Variants in PAM16 observed in about 807,000 individuals in gnomAD.
PAM16 encodes mitochondrial import inner membrane translocase subunit TIM16.
PAM16 carries 11 observed loss-of-function variants against 17.9 expected under a neutral mutation model. The observed-to-expected ratio is 0.62, with a 90% CI of 0.39 to 1.02. PAM16 has a LOEUF of 1.02. Among genes scored for constraint, PAM16 ranks in the 50% least tolerant of loss-of-function variants. The probability of loss-of-function intolerance (pLI) is 0.01; values close to 1 mark genes in which losing one functional copy is unlikely to be tolerated. For missense variants in PAM16, 199 were observed against 165.4 expected (o/e 1.20, Z -1.11); for synonymous variants, 72 against 67.4 (o/e 1.07, Z -0.34).
At chr16:4,345,696 C>T (rs1026344166) in intron 1 of PAM16, 1 of 198,810 alleles carries the variant, frequency 5.0e-6, no homozygotes, top group African/African-American at 2.4e-5. Flanking sequence ...CAGAGAAGAC[C>T]CTCCTGTGAT....
At chr16:4,347,740 C>T (rs1003697366) in intron 1 of PAM16, 5 of 152,244 alleles carry the variant, frequency 3.3e-5, no homozygotes, top group Admixed American at 6.5e-5. Flanking sequence ...CTCCAAACAT[C>T]CCATAGTCCA....
At chr16:4,342,225 G>C (rs2053659363) in intron 2 of PAM16, among the ~76,000 whole-genome samples, 1 of 152,260 alleles carries the variant, frequency 6.6e-6, no homozygotes, top group African/African-American at 2.4e-5. Flanking sequence ...GGGTGTGGTG[G>C]CACATGCCTG....
chr16:4,343,483 T>C, intron 1 of PAM16, 192 bp from the exon 2 acceptor site: 1 of 1,429,094 alleles, frequency 7.0e-7, no homozygotes, highest in Non-Finnish European at 9.1e-7. Flanking sequence ...AGTTACTCAC[T>C]GGACAGGCAG....
intron 1 of PAM16, among the ~76,000 whole-genome samples, chr16:4,350,359 T>A (rs1318160464): frequency 6.7e-6 from 1 of 149,540 alleles, no homozygotes. Flanking sequence ...TATAACATAA[T>A]AATATGTAGT....
Position 4,343,372 on chromosome 16 carries a change from G to A in PAM16, c.4-81C>T, listed in dbSNP as rs1404078673. 4 of 1,529,390 alleles carry A rather than the reference G, an allele frequency of 2.6e-6. No individual in the cohort carries two copies. In the African/African-American group the frequency reaches 4.2e-5, roughly 16 times the overall value. 94.7% of individuals were successfully genotyped at this position (1,529,390 alleles called of 1,614,324 possible). On this transcript the variant is annotated intron_variant, in intron 1 of 4. Transcript: ENST00000318059. The stretch of plus-strand genomic sequence containing the variant: ...TGGGCCCTGGAAACGGCTGCCGAGG[G>A]GCAAGGCTCCCGGAGACCCGAGGTC...
chr16:4,340,719 G>A (rs1290674709), intron 4 of PAM16, among the ~76,000 whole-genome samples: 1 of 152,178 alleles, frequency 6.6e-6, no homozygotes, highest in Non-Finnish European at 1.5e-5. Context: ...AGCCTGAGTG[G>A]CTGGACCCCG....
At chr16:4,347,816 G>A (rs955478863) in intron 1 of PAM16, 1 of 152,208 alleles carries the variant, frequency 6.6e-6, no homozygotes, top group African/African-American at 2.4e-5. Flanking sequence ...TCCAACTTCA[G>A]GCCACGCGGC....
chr16:4,341,534 C>T, intron 2 of PAM16, 30 bp from the exon 3 acceptor site: 1 of 1,584,338 alleles, frequency 6.3e-7, no homozygotes, highest in Non-Finnish European at 8.6e-7. Flanking sequence ...ATCGCTCAGT[C>T]CTCAGCAGCC....
At chr16:4,340,519 T>A in intron 4 of PAM16, 114 bp from the exon 5 acceptor site, 3 of 1,155,302 alleles carry the variant, frequency 2.6e-6, no homozygotes, top group Non-Finnish European at 3.7e-6. Context: ...GGGCAGTGGG[T>A]GGATACCAAT....
intron 2 of PAM16, among the ~76,000 whole-genome samples, chr16:4,342,502 A>C (rs1185529773): frequency 1.3e-5 from 2 of 150,620 alleles, no homozygotes; most frequent in African/African-American, 4.9e-5. Flanking sequence ...TAAAAATACA[A>C]AATTAGCCGG....
chr16:4,342,642 G>A (rs867607438), intron 2 of PAM16, among the ~76,000 whole-genome samples: 1 of 150,640 alleles, frequency 6.6e-6, no homozygotes, highest in African/African-American at 2.4e-5. Context: ...CAACAAGAGC[G>A]AAAACTCCGT....
At chr16:4,349,622 C>T (rs1184201193) in intron 1 of PAM16, among the ~76,000 whole-genome samples, 2 of 152,046 alleles carry the variant, frequency 1.3e-5, no homozygotes. Context: ...TAAAAATTAG[C>T]CAGGTGTGCT....
At chr16:4,343,952 G>A (rs991083834) in intron 1 of PAM16, 1 of 398,272 alleles carries the variant, frequency 2.5e-6, no homozygotes, top group Non-Finnish European at 4.4e-6. Flanking sequence ...AACATCTGCT[G>A]AGAGTCTACT....
chr16:4,345,497 G>A (rs1352397292), intron 1 of PAM16: 1 of 152,194 alleles, frequency 6.6e-6, no homozygotes, highest in Non-Finnish European at 1.5e-5. Context: ...CCCGAGGCCA[G>A]AGGGGCTTGC....
Position 4,342,693 on chromosome 16 carries a change from G to A in PAM16, c.88+514C>T, listed in dbSNP as rs1407920869. On this transcript the variant is annotated intron_variant, in intron 2 of 4. Transcript: ENST00000318059. ...TTTATTTACAAAACCAGGGCCGGGC[G>A]CTGTGGCTCACACCTGTAATCCCAG... 2.0e-4 allele frequency among the ~76,000 whole-genome samples: 31 copies of A among 151,718 alleles called. 1 individual carries two copies. The highest frequency in any genetic ancestry group is 2.0e-3 in the Admixed American group (30 of 15,240).
At chr16:4,345,216 G>C (rs1281885300) in intron 1 of PAM16, 1 of 152,124 alleles carries the variant, frequency 6.6e-6, no homozygotes, top group Non-Finnish European at 1.5e-5. Flanking sequence ...TTTCTTCCTA[G>C]TGCTTTTCTG....
At position 4,340,323 on chromosome 16, in the gene PAM16, G is replaced by A. The variant is rs148571756; in HGVS notation, c.374C>T (p.Thr125Met). 1.9e-4 allele frequency: 304 copies of A among 1,612,472 alleles called. 1 individual carries two copies. Among genetic ancestry groups the A allele is most frequent in the Admixed American group, 6.2e-4 (37 of 60,012 alleles). The change falls in exon 5 of 5, where the codon ACG becomes ATG. Residue 125 changes from threonine (T) to methionine (M), a missense_variant. Physicochemically the swap from Thr to Met is moderately conservative, Grantham distance 81. Transcript: ENST00000318059. ...EDREKGQMPHT is the reference protein window; with the variant it reads ...EDREKGQMPHM ...TGGGCGGGGGGAGCCGAGCAGTCAC[G>A]TATGGGGCATCTGCCCTTTTTCTCT...
chr16:4,340,452 A>G (rs749185559), intron 4 of PAM16, 47 bp from the exon 5 acceptor site: 9 of 1,593,132 alleles, frequency 5.6e-6, no homozygotes, highest in Non-Finnish European at 7.7e-6. Context: ...CCTCCGCCCC[A>G]TACCCCTTGC....
chr16:4,343,147 G>T, intron 2 of PAM16, 60 bp downstream of exon 2: 1 of 1,609,546 alleles, frequency 6.2e-7, no homozygotes, highest in African/African-American at 1.3e-5. Context: ...CCATGGCTAC[G>T]GGGAAAATCT....
Sources: allele counts gnomAD v4.1 joint callset (sites outside exome capture counted in the v4.1 genomes callset), GRCh38; gene constraint gnomAD v4.1.1; transcripts MANE v1.5; gene names NCBI Gene and HGNC (gene_info 2026-07-23, HGNC 2026-07-21).